Variants in FSTL5 observed in about 807,000 individuals in gnomAD.
FSTL5 encodes the protein follistatin like 5.
A neutral mutation model predicts 89.1 loss-of-function variants in FSTL5; 62 were observed. The observed-to-expected ratio is 0.70, with a 90% CI of 0.57 to 0.86. The LOEUF is 0.86. FSTL5 is among the 40% of genes least tolerant of loss of function. The probability of loss-of-function intolerance (pLI) is 0.00; values close to 1 mark genes in which losing one functional copy is unlikely to be tolerated. For synonymous variants in FSTL5, 383 were observed against 346.2 expected (o/e 1.11, Z -1.18); for missense variants, 1,057 against 1,001.6 (o/e 1.06, Z -0.75).
intron 15 of FSTL5, among the ~76,000 whole-genome samples, chr4:161,427,053 G>T (rs530297222): frequency 2.6e-5 from 4 of 152,204 alleles, no homozygotes; most frequent in African/African-American, 9.6e-5. Flanking sequence ...ATACAAAATA[G>T]AATTTAGCTA....
chr4:161,721,284 C>CAAA (rs34307838), intron 6 of FSTL5, among the ~76,000 whole-genome samples: 27,926 of 65,160 alleles, frequency 0.43, 6,545 homozygotes, highest in Non-Finnish European at 0.57. Flanking sequence ...GACTCCGTCT[C>CAAA]AAAAAAAAAA....
At chr4:161,777,709 T>C (rs1420257671) in intron 4 of FSTL5, among the ~76,000 whole-genome samples, 1 of 152,108 alleles carries the variant, frequency 6.6e-6, no homozygotes, top group Non-Finnish European at 1.5e-5. Flanking sequence ...CAAGACTGTG[T>C]TATAGATATT....
chr4:161,987,762 G>A (rs957183439), intron 3 of FSTL5, among the ~76,000 whole-genome samples: 5 of 151,572 alleles, frequency 3.3e-5, no homozygotes, highest in African/African-American at 1.2e-4. Flanking sequence ...CTTGCAGGCT[G>A]AAGTTTCTCA....
chr4:161,722,907 A>G (rs1162313014), intron 6 of FSTL5, among the ~76,000 whole-genome samples: 1 of 152,146 alleles, frequency 6.6e-6, no homozygotes, highest in Non-Finnish European at 1.5e-5. Flanking sequence ...ATATGTCTTT[A>G]TTAAAAGTAT....
At chr4:161,910,144 C>T (rs1276100491) in intron 4 of FSTL5, among the ~76,000 whole-genome samples, 2 of 152,122 alleles carry the variant, frequency 1.3e-5, no homozygotes, top group Admixed American at 6.6e-5. Context: ...CTTCTGTCCT[C>T]CTTACGACTT....
intron 2 of FSTL5, among the ~76,000 whole-genome samples, chr4:162,083,618 T>C (rs1375658249): frequency 6.6e-6 from 1 of 151,792 alleles, no homozygotes; most frequent in Admixed American, 6.6e-5. Flanking sequence ...ATATAATTTT[T>C]CAATAGGAAA....
At chr4:162,096,877 A>G (rs1440742927) in intron 2 of FSTL5, among the ~76,000 whole-genome samples, 1 of 151,984 alleles carries the variant, frequency 6.6e-6, no homozygotes, top group Non-Finnish European at 1.5e-5. Context: ...TGCGTGATAC[A>G]TGATTGAATC....
At chr4:161,846,952 C>T (rs770432845) in intron 4 of FSTL5, among the ~76,000 whole-genome samples, 48 of 152,022 alleles carry the variant, frequency 3.2e-4, no homozygotes, top group African/African-American at 8.7e-4. Context: ...TATATTTAAC[C>T]CTTAAGTCTA....
intron 5 of FSTL5, among the ~76,000 whole-genome samples, chr4:161,762,165 TTTTG>T (rs1052749781): frequency 2.1e-4 from 32 of 152,178 alleles, no homozygotes; most frequent in African/African-American, 6.7e-4. Context: ...TTGTTTTTGT[TTTTG>T]TTTGTTTGTT....
At chr4:161,617,218 A>T (rs548641326) in intron 7 of FSTL5, among the ~76,000 whole-genome samples, 1 of 152,168 alleles carries the variant, frequency 6.6e-6, no homozygotes, top group African/African-American at 2.4e-5. Flanking sequence ...CTGGAGCTTA[A>T]AAGTCAATTA....
intron 3 of FSTL5, among the ~76,000 whole-genome samples, chr4:161,940,816 GAAAAAAA>G (rs1734560140): frequency 6.7e-6 from 1 of 150,166 alleles, no homozygotes; most frequent in Non-Finnish European, 1.5e-5. Context: ...AAAGCAACAT[GAAAAAAA>G]CAAAACAAAA....
intron 4 of FSTL5, among the ~76,000 whole-genome samples, chr4:161,777,708 G>T (rs1462212440): frequency 6.6e-6 from 1 of 152,004 alleles, no homozygotes; most frequent in Non-Finnish European, 1.5e-5. Context: ...GCAAGACTGT[G>T]TTATAGATAT....
chr4:162,138,383 G>T (rs966634040), intron 1 of FSTL5, among the ~76,000 whole-genome samples: 8 of 152,016 alleles, frequency 5.3e-5, no homozygotes, highest in African/African-American at 1.9e-4. Context: ...TCTGATACTA[G>T]AGCACATCTC....
At chr4:161,877,539 C>T (rs565742661) in intron 4 of FSTL5, among the ~76,000 whole-genome samples, 23 of 151,326 alleles carry the variant, frequency 1.5e-4, no homozygotes, top group Admixed American at 5.9e-4. Context: ...TGACATACAA[C>T]TTATTAAAAA....
At chr4:161,707,945 T>C (rs1343320434) in intron 6 of FSTL5, among the ~76,000 whole-genome samples, 2 of 152,004 alleles carry the variant, frequency 1.3e-5, no homozygotes, top group Non-Finnish European at 2.9e-5. Flanking sequence ...CCCCACAAAA[T>C]ACCTTCCACA....
intron 8 of FSTL5, among the ~76,000 whole-genome samples, chr4:161,553,796 A>G (rs544228759): frequency 7.3e-5 from 11 of 151,574 alleles, no homozygotes; most frequent in Non-Finnish European, 1.6e-4. Context: ...TAAAGGTCAA[A>G]TAAATTAGTG....
chr4:161,920,125 C>A (rs1210599452), intron 4 of FSTL5, among the ~76,000 whole-genome samples: 1 of 152,124 alleles, frequency 6.6e-6, no homozygotes, highest in Non-Finnish European at 1.5e-5. Flanking sequence ...CACCCTGTGT[C>A]CCTAAGAAAA....
At chr4:162,155,688 A>G (rs34545016) in intron 1 of FSTL5, among the ~76,000 whole-genome samples, 2 of 152,330 alleles carry the variant, frequency 1.3e-5, no homozygotes, top group South Asian at 4.1e-4. Context: ...AGAACTTTTG[A>G]CTGAATGCAG....
intron 6 of FSTL5, among the ~76,000 whole-genome samples, chr4:161,672,706 T>C (rs1182522260): frequency 7.5e-6 from 1 of 132,938 alleles, no homozygotes; most frequent in African/African-American, 2.8e-5. Context: ...TCTAAGAAAT[T>C]AAAAAAAAAA....
Sources: gnomAD v4.1 joint callset for allele counts (sites outside exome capture counted in the v4.1 genomes callset) on GRCh38, gnomAD v4.1.1 for gene constraint, MANE v1.5 for transcripts, NCBI Gene and HGNC (gene_info 2026-07-23, HGNC 2026-07-21) for gene names.